Variants in SPAG1 observed in about 807,000 individuals in gnomAD.
SPAG1 encodes the protein sperm associated antigen 1.
A neutral mutation model predicts 100.5 loss-of-function variants in SPAG1; 69 were observed. That is an observed-to-expected ratio of 0.69 (90% confidence interval 0.57 to 0.84). The LOEUF is 0.84. SPAG1 is among the 40% of genes least tolerant of loss of function. The pLI, the probability that SPAG1 is intolerant of heterozygous loss-of-function variation, is 0.00. For synonymous variants in SPAG1, 336 were observed against 411.6 expected (o/e 0.82, Z 2.22); for missense variants, 955 against 1,133.1 (o/e 0.84, Z 2.26).
intron 8 of SPAG1, 70 bp from the exon 9 acceptor site, chr8:100,191,320 C>G: frequency 9.4e-7 from 1 of 1,068,296 alleles, no homozygotes; most frequent in Non-Finnish European, 1.4e-6. Flanking sequence ...ATATCTTCCA[C>G]TTGCCAAATA....
chr8:100,202,282 CTGTTT>C (rs1817307109), intron 10 of SPAG1, among the ~76,000 whole-genome samples: 1 of 151,580 alleles, frequency 6.6e-6, no homozygotes, highest in Non-Finnish European at 1.5e-5. Flanking sequence ...GTTTTGTTTT[CTGTTT>C]TGTTTTTATT....
In SPAG1 at chr8:100,232,548, A is replaced by T. The variant is rs564713363; in HGVS notation, c.1989-863A>T. On this transcript the variant is annotated intron_variant, in intron 15 of 18. Coordinates refer to ENST00000388798, the MANE Select transcript of SPAG1 (RefSeq NM_003114.5). ...GCAAGCTCAGATGCTCCTACCTTCTAAATCCCAAATCCATCTTCAGTGTGA... is the reference window on the plus strand; with the variant it reads ...GCAAGCTCAGATGCTCCTACCTTCTTAATCCCAAATCCATCTTCAGTGTGA... Among the ~76,000 whole-genome samples, 10 of 152,086 alleles carry T rather than the reference A, an allele frequency of 6.6e-5. No individual in the cohort carries two copies. In the South Asian group the frequency reaches 2.1e-3, roughly 32 times the overall value.
intron 3 of SPAG1, among the ~76,000 whole-genome samples, chr8:100,176,382 T>G (rs573887871): frequency 2.0e-5 from 3 of 152,012 alleles, no homozygotes; most frequent in Admixed American, 2.0e-4. Flanking sequence ...TCTTTTTTTT[T>G]TGAGACTGAG....
chr8:100,219,915 T>C (rs1818183580), intron 12 of SPAG1, among the ~76,000 whole-genome samples: 1 of 152,218 alleles, frequency 6.6e-6, no homozygotes, highest in Non-Finnish European at 1.5e-5. Context: ...ATTAAATACA[T>C]AGGTGCAAAT....
chr8:100,241,127 T>G lies in SPAG1; in HGVS notation c.*105T>G. ...ATGGATAAAACTTGGCCTAGAAAAGTTTGGTCTGCACTATAAAACATTTTA... is the reference window on the plus strand; with the variant it reads ...ATGGATAAAACTTGGCCTAGAAAAGGTTGGTCTGCACTATAAAACATTTTA... On this transcript the variant is annotated 3_prime_UTR_variant, in exon 19 of 19. Coordinates refer to ENST00000388798, the MANE Select transcript of SPAG1 (RefSeq NM_003114.5). The surrounding 1 kb of genome is among the most constrained non-coding windows in gnomAD (Gnocchi z 5.1). The G allele has an allele frequency of 8.5e-7, 1 of 1,176,156 alleles. No individual in the cohort carries two copies. Among genetic ancestry groups the G allele is most frequent in the Non-Finnish European group, 1.2e-6 (1 of 834,108 alleles). The allele number at this position is 1,176,156 out of a possible 1,614,324, so 72.9% of individuals were successfully genotyped here. A position where few individuals can be genotyped will look rare whatever the true frequency, so the allele number is the denominator to read the frequency against.
chr8:100,223,047 T>C (rs953792175), intron 13 of SPAG1, among the ~76,000 whole-genome samples: 4 of 152,234 alleles, frequency 2.6e-5, no homozygotes, highest in Admixed American at 1.3e-4. Flanking sequence ...TTCTTTCACT[T>C]AGCATAATGT....
chr8:100,196,826 G>A (rs1817051991), intron 10 of SPAG1, among the ~76,000 whole-genome samples: 1 of 151,906 alleles, frequency 6.6e-6, no homozygotes, highest in Non-Finnish European at 1.5e-5. Flanking sequence ...TGTTGTTCGG[G>A]CTAGAGTGCA....
At chr8:100,177,349 G>A (rs143403541) in intron 3 of SPAG1, among the ~76,000 whole-genome samples, 275 of 152,122 alleles carry the variant, frequency 1.8e-3, no homozygotes, top group Non-Finnish European at 3.2e-3. Context: ...AGGTGGCTGT[G>A]AAATTATTAC....
intron 10 of SPAG1, among the ~76,000 whole-genome samples, chr8:100,208,354 C>A (rs534093877): frequency 6.6e-6 from 1 of 152,302 alleles, no homozygotes; most frequent in African/African-American, 2.4e-5. Flanking sequence ...TGCAGGAGAT[C>A]CATGAGGGCG....
At chr8:100,232,391 T>C (rs555651422) in intron 15 of SPAG1, among the ~76,000 whole-genome samples, 1 of 152,144 alleles carries the variant, frequency 6.6e-6, no homozygotes, top group South Asian at 2.1e-4. Context: ...CATTCCATCC[T>C]CTCCCCAGGT....
chr8:100,159,224 C>G (rs1815201576), intron 1 of SPAG1, among the ~76,000 whole-genome samples: 2 of 152,188 alleles, frequency 1.3e-5, no homozygotes, highest in Admixed American at 6.5e-5. Context: ...CCATTCTATT[C>G]TGGGCAGCAT....
intron 1 of SPAG1, among the ~76,000 whole-genome samples, chr8:100,161,562 TA>T (rs2132181130): frequency 6.6e-6 from 1 of 150,826 alleles, no homozygotes; most frequent in South Asian, 2.1e-4. Flanking sequence ...CATGACAAAA[TA>T]GAAAAGGAAT....
intron 10 of SPAG1, among the ~76,000 whole-genome samples, chr8:100,211,876 C>T (rs938950187): frequency 1.4e-4 from 22 of 152,150 alleles, no homozygotes; most frequent in African/African-American, 4.8e-4. Flanking sequence ...CGAGGGGATA[C>T]TGTGCAAAGG....
chr8:100,213,784 G>T, intron 11 of SPAG1, 35 bp from the exon 12 acceptor site: 1 of 1,326,052 alleles, frequency 7.5e-7, no homozygotes, highest in Non-Finnish European at 1.1e-6. Context: ...CTTGCTAATG[G>T]ATTTTAACTG....
At chr8:100,212,106 G>C (rs1286316262) in intron 10 of SPAG1, among the ~76,000 whole-genome samples, 2 of 152,192 alleles carry the variant, frequency 1.3e-5, no homozygotes, top group African/African-American at 4.8e-5. Context: ...CAAATTGGAT[G>C]TTATTCTGCT....
chr8:100,159,419 G>A (rs1046710013), intron 1 of SPAG1, among the ~76,000 whole-genome samples: 3 of 152,150 alleles, frequency 2.0e-5, no homozygotes, highest in Non-Finnish European at 4.4e-5. Context: ...AGTCAAAGCC[G>A]GCAGGAATTT....
intron 3 of SPAG1, among the ~76,000 whole-genome samples, chr8:100,166,752 T>C (rs983004562): frequency 1.3e-5 from 2 of 151,870 alleles, no homozygotes; most frequent in Non-Finnish European, 2.9e-5. Context: ...TACAAAAATA[T>C]AAAAATTAGC....
intron 12 of SPAG1, among the ~76,000 whole-genome samples, chr8:100,215,480 T>C (rs1817938657): frequency 6.6e-6 from 1 of 152,190 alleles, no homozygotes; most frequent in Non-Finnish European, 1.5e-5. Flanking sequence ...GTGGACACTG[T>C]TTATAAGGTG....
intron 1 of SPAG1, among the ~76,000 whole-genome samples, chr8:100,161,574 T>G (rs1221208526): frequency 6.6e-6 from 1 of 151,966 alleles, no homozygotes; most frequent in Non-Finnish European, 1.5e-5. Context: ...GAAAAGGAAT[T>G]TTTAATGACC....
Sources: gnomAD v4.1 joint callset for allele counts (sites outside exome capture counted in the v4.1 genomes callset) on GRCh38, gnomAD v4.1.1 for gene constraint, Gnocchi (gnomAD v3.1) non-coding constraint, MANE v1.5 for transcripts, NCBI Gene and HGNC (gene_info 2026-07-23, HGNC 2026-07-21) for gene names.